PI4K2B: variants seen among roughly 807,000 people sequenced by gnomAD.
PI4K2B encodes phosphatidylinositol 4-kinase type 2-beta.
Under a neutral mutation model 56.6 loss-of-function variants are expected in PI4K2B, and 46 were observed. The observed-to-expected ratio is 0.81, with a 90% CI of 0.64 to 1.04. The LOEUF (loss-of-function observed/expected upper bound fraction) is 1.04, where lower values mean the gene tolerates loss of function less well. PI4K2B is among the 50% of genes least tolerant of loss of function. PI4K2B has a pLI of 0.00. For missense variants in PI4K2B, 556 were observed against 607.7 expected (o/e 0.91, Z 0.89); for synonymous variants, 211 against 223.8 (o/e 0.94, Z 0.51).
At chr4:25,241,385 G>T (rs1715515597) in intron 1 of PI4K2B, among the ~76,000 whole-genome samples, 1 of 152,206 alleles carries the variant, frequency 6.6e-6, no homozygotes, top group African/African-American at 2.4e-5. Context: ...TTAAGGTCAG[G>T]ATTAGTTAAG....
At chr4:25,241,430 T>G (rs964576997) in intron 1 of PI4K2B, among the ~76,000 whole-genome samples, 2 of 152,226 alleles carry the variant, frequency 1.3e-5, no homozygotes, top group African/African-American at 4.8e-5. Context: ...GTGGCATAAA[T>G]CTGGACTATA....
chr4:25,269,963 G>T (rs556678285), intron 9 of PI4K2B, among the ~76,000 whole-genome samples: 3 of 152,098 alleles, frequency 2.0e-5, no homozygotes, highest in Admixed American at 2.0e-4. Context: ...TGATCTGCCC[G>T]CCTCAGCCTC....
At chr4:25,240,457 G>A (rs1404741466) in intron 1 of PI4K2B, among the ~76,000 whole-genome samples, 2 of 152,152 alleles carry the variant, frequency 1.3e-5, no homozygotes, top group African/African-American at 4.8e-5. Flanking sequence ...TCTGGTTCCT[G>A]TAGCAGTAGC....
chr4:25,249,775 A>C (rs1715966091), intron 1 of PI4K2B, among the ~76,000 whole-genome samples: 1 of 149,086 alleles, frequency 6.7e-6, no homozygotes, highest in Non-Finnish European at 1.5e-5. Context: ...ATCCCAGACG[A>C]TGGGCGGCCA....
intron 2 of PI4K2B, chr4:25,254,371 C>A: frequency 1.1e-6 from 1 of 889,022 alleles, no homozygotes; most frequent in Non-Finnish European, 1.3e-6. Context: ...ACTGTTTGAC[C>A]TAGAATGGTG....
chr4:25,238,174 G>T (rs1715348347), intron 1 of PI4K2B, among the ~76,000 whole-genome samples: 1 of 152,222 alleles, frequency 6.6e-6, no homozygotes, highest in South Asian at 2.1e-4. Context: ...GATGCTTGAT[G>T]CAGGCAACCC....
chr4:25,240,912 CCTCTCTGTCTCTTT>C (rs1300978050), intron 1 of PI4K2B, among the ~76,000 whole-genome samples: 2 of 152,144 alleles, frequency 1.3e-5, no homozygotes, highest in African/African-American at 4.8e-5. Context: ...TCTGTCTCTT[CCTCTCTGTCTCTTT>C]CTTTGACTTC....
intron 1 of PI4K2B, among the ~76,000 whole-genome samples, chr4:25,251,611 G>A (rs987680097): frequency 6.6e-6 from 1 of 152,096 alleles, no homozygotes; most frequent in Non-Finnish European, 1.5e-5. Flanking sequence ...GTGCCAGAGG[G>A]ACTGAACTGG....
At chr4:25,255,641 T>C (rs781351043) in intron 3 of PI4K2B, among the ~76,000 whole-genome samples, 2 of 152,266 alleles carry the variant, frequency 1.3e-5, no homozygotes, top group Non-Finnish European at 2.9e-5. Flanking sequence ...TGTTTTGTTT[T>C]TTTAAGAGAC....
Position 25,249,477 on chromosome 4 carries a change from G to A in PI4K2B, c.269-2844G>A, listed in dbSNP as rs1304390145. 3.2e-4 allele frequency among the ~76,000 whole-genome samples: 47 copies of A among 147,114 alleles called. 1 individual carries two copies. Among genetic ancestry groups the A allele is most frequent in the African/African-American group, 8.8e-4 (36 of 41,122 alleles). ...TCCCGGATGGGGCGGCTGGCCGGGC[G>A]GGGGCTGCCCCCCGCCTCCCGGACG... On this transcript the variant is annotated intron_variant, in intron 1 of 9. Transcript: ENST00000264864.
At chr4:25,262,943 T>C (rs1338069028) in intron 6 of PI4K2B, among the ~76,000 whole-genome samples, 1 of 152,164 alleles carries the variant, frequency 6.6e-6, no homozygotes, top group Non-Finnish European at 1.5e-5. Context: ...GGGTCATTTA[T>C]AAAGAAAAGA....
In PI4K2B at chr4:25,234,213, G is replaced by T. The variant is rs757714447; in HGVS notation, c.50G>T (p.Ser17Ile). ...PDRLASADGG[S>I]PEEEEDGERE... ...CGGTTGGCGTCCGCGGACGGCGGGA[G>T]CCCGGAGGAGGAGGAGGATGGGGAG... Residue 17 changes from serine to isoleucine, a missense_variant, in exon 1 of 10, where the codon AGC becomes ATC. By Grantham distance (142) the Ser-to-Ile change is moderately radical. Transcript: ENST00000264864. The T allele has an allele frequency of 9.9e-6, 14 of 1,414,578 alleles. No homozygotes were observed. The highest frequency in any genetic ancestry group is 3.0e-5 in the East Asian group (1 of 33,328). 87.6% of individuals were successfully genotyped at this position (1,414,578 alleles called of 1,614,324 possible).
intron 1 of PI4K2B, among the ~76,000 whole-genome samples, chr4:25,240,009 A>C (rs893109719): frequency 6.6e-6 from 1 of 152,216 alleles, no homozygotes; most frequent in Admixed American, 6.5e-5. Context: ...TCCATTTGTA[A>C]GACCATTTGT....
At chr4:25,265,150 G>A (rs1406704681) in intron 7 of PI4K2B, among the ~76,000 whole-genome samples, 3 of 123,664 alleles carry the variant, frequency 2.4e-5, no homozygotes, top group Non-Finnish European at 3.1e-5. Context: ...AGCCGAGATC[G>A]CGCCATTGCA....
chr4:25,265,198 CAAAAAAAA>C (rs71188933), intron 7 of PI4K2B, among the ~76,000 whole-genome samples: 23 of 65,408 alleles, frequency 3.5e-4, no homozygotes, highest in East Asian at 4.8e-4. Context: ...TCTGTCTCAC[CAAAAAAAA>C]AAAAAAAAAA....
At chr4:25,246,222 T>C (rs313559) in intron 1 of PI4K2B, among the ~76,000 whole-genome samples, 89,491 of 151,676 alleles carry the variant, frequency 0.59, 28,611 homozygotes, top group Non-Finnish European at 0.72. Context: ...GGGACCTGAG[T>C]GGGTTGCCAC....
chr4:25,255,434 C>G (rs1207432205), intron 3 of PI4K2B, among the ~76,000 whole-genome samples, 169 bp downstream of exon 3: 1 of 149,822 alleles, frequency 6.7e-6, no homozygotes, highest in Non-Finnish European at 1.5e-5. Context: ...TAGTGTAGAT[C>G]CACAAAGTAC....
intron 1 of PI4K2B, among the ~76,000 whole-genome samples, chr4:25,245,492 G>A (rs759037634): frequency 3.3e-5 from 5 of 152,064 alleles, no homozygotes; most frequent in Non-Finnish European, 5.9e-5. Context: ...CCTCTCTGTC[G>A]ACCCTCGGCT....
At position 25,263,933 on chromosome 4, in the gene PI4K2B, G is replaced by A. The variant is rs572796169; in HGVS notation, c.1078+84G>A. 1.5e-4 allele frequency: 95 copies of A among 618,024 alleles called. No individual in the cohort carries two copies. In the East Asian group the frequency reaches 2.1e-3, roughly 14 times the overall value. The allele number at this position is 618,024 out of a possible 1,614,324, so 38.3% of individuals were successfully genotyped here. Reference sequence around the variant, plus strand: ...GAAAAAAATTTACAGATACCATAGCGGAGGAAAAAGTAGATGAAATATGAT... The same window carrying A: ...GAAAAAAATTTACAGATACCATAGCAGAGGAAAAAGTAGATGAAATATGAT... On this transcript the variant is annotated intron_variant, in intron 7 of 9. Coordinates refer to ENST00000264864, the MANE Select transcript of PI4K2B (RefSeq NM_018323.4).
Sources: gnomAD v4.1 joint callset for allele counts (sites outside exome capture counted in the v4.1 genomes callset) on GRCh38, gnomAD v4.1.1 for gene constraint, MANE v1.5 for transcripts, NCBI Gene and HGNC (gene_info 2026-07-23, HGNC 2026-07-21) for gene names.